The following RBFOX1 variants were observed in gnomAD, a reference collection of about 807,000 sequenced individuals.
RBFOX1 encodes RNA binding fox-1 homolog 1.
RBFOX1 carries 8 observed loss-of-function variants against 57.7 expected under a neutral mutation model. The observed-to-expected ratio is 0.14, with a 90% confidence interval of 0.08 to 0.25. The LOEUF (loss-of-function observed/expected upper bound fraction) is 0.25. Ranked by LOEUF, RBFOX1 falls within the 10% of genes least tolerant of loss-of-function variation. The pLI is 1.00. For missense variants in RBFOX1, 611 were observed against 548.5 expected (o/e 1.11, Z -1.14); for synonymous variants, 326 against 222.4 (o/e 1.47, Z -4.15).
intron 1 of RBFOX1, among the ~76,000 whole-genome samples, chr16:5,386,365 G>C (rs1042001789): frequency 1.3e-5 from 2 of 152,186 alleles, no homozygotes; most frequent in African/African-American, 4.8e-5. Context: ...GGCCCCAGGG[G>C]AAAAGGTAGA....
In RBFOX1 at chr16:6,316,983, TTTC is replaced by T. The variant is rs200320825; in HGVS notation, c.-126-6_-126-4del. 0.023 allele frequency: 34,690 copies of T among 1,534,148 alleles called. 571 individuals carry two copies. The highest frequency in any genetic ancestry group is 0.091 in the Middle Eastern group (545 of 5,982). ...TCTTGATACTAAAGTCATTCCCCTTTTTCTTCTTTAGGAAACTGGTCAAAGAAC... is the reference window on the plus strand; with the variant it reads ...TCTTGATACTAAAGTCATTCCCCTTTTTCTTTAGGAAACTGGTCAAAGAAC... On this transcript the variant is annotated splice_polypyrimidine_tract_variant and intron_variant, in intron 1 of 15. Transcript: ENST00000550418.
intron 7 of RBFOX1, among the ~76,000 whole-genome samples, chr16:7,590,752 G>T (rs556545568): frequency 1.3e-5 from 2 of 151,610 alleles, no homozygotes; most frequent in African/African-American, 4.8e-5. Context: ...CCAGCTACTC[G>T]GGAGGCTGAG....
intron 3 of RBFOX1, among the ~76,000 whole-genome samples, chr16:6,874,779 A>G (rs1302936380): frequency 1.3e-5 from 2 of 152,108 alleles, no homozygotes; most frequent in East Asian, 3.9e-4. Context: ...CTTGAGGGGA[A>G]GGGTGGGAGG....
intron 2 of RBFOX1, among the ~76,000 whole-genome samples, chr16:6,417,609 T>C (rs558295475): frequency 7.1e-6 from 1 of 141,802 alleles, no homozygotes; most frequent in Non-Finnish European, 1.5e-5. Context: ...AGGCTGGTCT[T>C]GAACTCCTGA....
chr16:6,613,442 C>T (rs184452155), intron 2 of RBFOX1, among the ~76,000 whole-genome samples: 14 of 152,198 alleles, frequency 9.2e-5, no homozygotes, highest in Non-Finnish European at 1.5e-4. Context: ...GTACGTGAAA[C>T]CCTTAGGCCC....
intron 4 of RBFOX1, among the ~76,000 whole-genome samples, chr16:7,306,864 CAT>C (rs1333721597): frequency 6.6e-6 from 1 of 152,104 alleles, no homozygotes; most frequent in Non-Finnish European, 1.5e-5. Context: ...ATACATAAAT[CAT>C]ATCGATAAGT....
Position 6,625,721 on chromosome 16 carries a change from A to T in RBFOX1, c.-63-28882A>T, listed in dbSNP as rs188120600. ...CAATTAATGTAATCTTGTTTCTGTT[A>T]TTTCCACCATATTTTTCAATCCAGT... On this transcript the variant is annotated intron_variant, in intron 2 of 15. Transcript: ENST00000550418. Among the ~76,000 whole-genome samples the T allele has an allele frequency of 4.8e-5, 7 of 147,296 alleles. No individual in the cohort carries two copies. In the Admixed American group the frequency reaches 4.8e-4, roughly 10 times the overall value.
intron 1 of RBFOX1, among the ~76,000 whole-genome samples, chr16:6,247,204 C>T (rs780982130): frequency 1.5e-4 from 23 of 152,288 alleles, no homozygotes; most frequent in Non-Finnish European, 2.6e-4. Context: ...GTCTTGGAAA[C>T]GTCAGAGACT....
intron 4 of RBFOX1, among the ~76,000 whole-genome samples, chr16:7,189,371 A>AGC (rs1184387141): frequency 7.1e-6 from 1 of 140,080 alleles, no homozygotes; most frequent in Non-Finnish European, 1.5e-5. Context: ...GCTTGCAGTG[A>AGC]GCTGAGATCG....
chr16:5,517,721 T>C (rs536743084), intron 2 of RBFOX1, among the ~76,000 whole-genome samples: 9 of 152,208 alleles, frequency 5.9e-5, no homozygotes, highest in South Asian at 2.1e-4. Flanking sequence ...CAAGAAGGAC[T>C]TGTTTTTCTT....
intron 1 of RBFOX1, among the ~76,000 whole-genome samples, chr16:6,265,162 A>G (rs972252577): frequency 6.6e-6 from 1 of 152,202 alleles, no homozygotes; most frequent in Admixed American, 6.5e-5. Context: ...GAAACCTGAA[A>G]GGAACATTAT....
intron 3 of RBFOX1, among the ~76,000 whole-genome samples, chr16:6,725,467 G>T (rs1273574010): frequency 6.6e-6 from 1 of 152,100 alleles, no homozygotes; most frequent in African/African-American, 2.4e-5. Flanking sequence ...CGTGAATGCA[G>T]CCCAGTGGGT....
At chr16:6,653,847 G>C (rs2098622583) in intron 2 of RBFOX1, among the ~76,000 whole-genome samples, 3 of 151,664 alleles carry the variant, frequency 2.0e-5, no homozygotes, top group African/African-American at 7.3e-5. Flanking sequence ...TGGATGATTG[G>C]ATAGATGGGG....
chr16:5,985,509 G>A (rs1022079811), intron 4 of RBFOX1, among the ~76,000 whole-genome samples: 26 of 152,088 alleles, frequency 1.7e-4, no homozygotes, highest in African/African-American at 6.0e-4. Flanking sequence ...GTATTAGGTT[G>A]GTGTAAAAGT....
intron 3 of RBFOX1, among the ~76,000 whole-genome samples, chr16:7,030,395 T>C (rs2042482670): frequency 6.6e-6 from 1 of 152,176 alleles, no homozygotes; most frequent in Non-Finnish European, 1.5e-5. Flanking sequence ...AGTTTATTCA[T>C]TCAAGGTTCT....
chr16:6,340,507 C>G (rs370174461), intron 2 of RBFOX1, among the ~76,000 whole-genome samples: 11 of 152,202 alleles, frequency 7.2e-5, no homozygotes, highest in Non-Finnish European at 8.8e-5. Context: ...ATGATTATTT[C>G]TTGATGATAT....
At chr16:5,770,807 G>C (rs1327534677) in intron 3 of RBFOX1, among the ~76,000 whole-genome samples, 1 of 152,190 alleles carries the variant, frequency 6.6e-6, no homozygotes, top group African/African-American at 2.4e-5. Flanking sequence ...ATAGCACACA[G>C]CTTTTAGAAC....
chr16:5,382,886 A>G (rs923096827), intron 1 of RBFOX1, among the ~76,000 whole-genome samples: 20 of 152,222 alleles, frequency 1.3e-4, no homozygotes, highest in African/African-American at 3.6e-4. Flanking sequence ...TCCAAAGCTT[A>G]AGTCTCCTTT....
At chr16:6,317,674 G>T (rs1319504577) in intron 2 of RBFOX1, among the ~76,000 whole-genome samples, 2 of 152,040 alleles carry the variant, frequency 1.3e-5, no homozygotes, top group African/African-American at 2.4e-5. Context: ...TTTGGTGAAG[G>T]TAGCAGTATT....
Sources: allele counts gnomAD v4.1 joint callset (sites outside exome capture counted in the v4.1 genomes callset), GRCh38; gene constraint gnomAD v4.1.1; transcripts MANE v1.5; gene names NCBI Gene and HGNC (gene_info 2026-07-23, HGNC 2026-07-21).